Variants in DCC observed in about 807,000 individuals in gnomAD.
DCC encodes the protein netrin receptor DCC.
In DCC, 58 loss-of-function variants were observed where a neutral mutation model predicts 172.5. The ratio of observed to expected loss-of-function variants is 0.34; its 90% confidence interval spans 0.27 to 0.42. DCC has a LOEUF of 0.42. Ranked by LOEUF, DCC falls within the 10% of genes least tolerant of loss-of-function variation. DCC has a pLI of 1.00. For missense variants in DCC, 1,740 were observed against 1,791.0 expected (o/e 0.97, Z 0.51); for synonymous variants, 709 against 644.5 (o/e 1.10, Z -1.52).
At chr18:52,813,392 A>G (rs561036694) in intron 2 of DCC, among the ~76,000 whole-genome samples, 1 of 152,294 alleles carries the variant, frequency 6.6e-6, no homozygotes, top group African/African-American at 2.4e-5. Flanking sequence ...GGAACAGTAC[A>G]GAATGGCACA....
At chr18:53,064,273 T>A (rs961892580) in intron 6 of DCC, among the ~76,000 whole-genome samples, 1 of 152,180 alleles carries the variant, frequency 6.6e-6, no homozygotes, top group Non-Finnish European at 1.5e-5. Context: ...AAATGCTCTA[T>A]GAAATCTCAC....
intron 5 of DCC, among the ~76,000 whole-genome samples, chr18:53,034,424 A>C (rs1444993469): frequency 6.6e-6 from 1 of 152,030 alleles, no homozygotes; most frequent in African/African-American, 2.4e-5. Flanking sequence ...ATACAAAGTC[A>C]CTTTCAACAT....
intron 9 of DCC, among the ~76,000 whole-genome samples, chr18:53,181,924 G>A (rs1318515054): frequency 6.6e-6 from 1 of 152,158 alleles, no homozygotes; most frequent in African/African-American, 2.4e-5. Flanking sequence ...AATTTCTTAT[G>A]CCCAGATCAT....
chr18:52,605,431 CT>C (rs1287641088), intron 1 of DCC, among the ~76,000 whole-genome samples: 2 of 152,130 alleles, frequency 1.3e-5, no homozygotes, highest in East Asian at 3.9e-4. Flanking sequence ...TTCACAACTG[CT>C]TCTACAATCG....
chr18:53,487,089 C>A, intron 26 of DCC, 131 bp downstream of exon 26: 1 of 1,224,946 alleles, frequency 8.2e-7, no homozygotes, highest in East Asian at 2.5e-5. Context: ...TAGAATGTTC[C>A]TTTCCAACAC....
Position 53,450,527 on chromosome 18 carries a change from C to A in DCC, c.3257C>A (p.Pro1086Gln). 1 of 1,613,976 alleles carries A rather than the reference C, an allele frequency of 6.2e-7. No homozygotes were observed. Among genetic ancestry groups the A allele is most frequent in the Non-Finnish European group, 8.5e-7 (1 of 1,179,968 alleles). The change falls in exon 23 of 29, where the codon CCG becomes CAG. Residue 1086 changes from proline to glutamine, a missense_variant. Coordinates refer to ENST00000442544, the MANE Select transcript of DCC (RefSeq NM_005215.4). ...NEPPIGQMHPPHGSVTPQKNS... is the reference protein window; with the variant it reads ...NEPPIGQMHPQHGSVTPQKNS... Reference sequence around the variant, plus strand: ...CCGCCAATTGGACAAATGCACCCCCCGCATGGCAGTGTCACTCCTCAGAAG... The same window carrying A: ...CCGCCAATTGGACAAATGCACCCCCAGCATGGCAGTGTCACTCCTCAGAAG...
At chr18:53,343,353 C>G (rs1303580435) in intron 15 of DCC, among the ~76,000 whole-genome samples, 1 of 151,832 alleles carries the variant, frequency 6.6e-6, no homozygotes. Context: ...TTCTAGTTTT[C>G]TAGAAATTCT....
intron 2 of DCC, among the ~76,000 whole-genome samples, chr18:52,877,579 C>A (rs1047930277): frequency 4.0e-5 from 6 of 151,856 alleles, no homozygotes; most frequent in Non-Finnish European, 1.5e-5. Context: ...TGGTGGTGTG[C>A]ACCTTTAATC....
At chr18:53,084,890 C>A (rs1483403608) in intron 7 of DCC, among the ~76,000 whole-genome samples, 1 of 152,140 alleles carries the variant, frequency 6.6e-6, no homozygotes, top group Non-Finnish European at 1.5e-5. Flanking sequence ...TTGGAAAATT[C>A]TTACAGAAAT....
intron 14 of DCC, among the ~76,000 whole-genome samples, chr18:53,329,730 T>C (rs996589527): frequency 5.3e-5 from 8 of 152,128 alleles, no homozygotes. Context: ...GATTAAGGAT[T>C]TTCTGGGGTG....
chr18:53,344,524 C>G (rs766997517), intron 15 of DCC, among the ~76,000 whole-genome samples: 2 of 141,050 alleles, frequency 1.4e-5, no homozygotes, highest in South Asian at 5.0e-4. Context: ...CTCACTTCTA[C>G]CTCTGCCTCC....
At position 52,930,060 on chromosome 18, in the gene DCC, T is replaced by C. The variant is rs1182659757; in HGVS notation, c.985+4690T>C. Among the ~76,000 whole-genome samples the C allele has an allele frequency of 2.6e-5, 4 of 152,008 alleles. No homozygotes were observed. The East Asian group carries it at 7.7e-4, about 29-fold the overall frequency. ...GTTCGTGGTGTCAGATGATCCTCCA[T>C]TCTCAGCCTCCCAAGTATCTTGGAC... On this transcript the variant is annotated intron_variant, in intron 5 of 28. Transcript: ENST00000442544.
intron 18 of DCC, among the ~76,000 whole-genome samples, chr18:53,401,368 T>C (rs1439251425): frequency 1.3e-5 from 2 of 152,138 alleles, no homozygotes; most frequent in African/African-American, 4.8e-5. Flanking sequence ...TTAAGTACAT[T>C]GTCAATGATT....
chr18:52,375,004 CA>C (rs1444411431), intron 1 of DCC, among the ~76,000 whole-genome samples: 1 of 152,196 alleles, frequency 6.6e-6, no homozygotes, highest in Non-Finnish European at 1.5e-5. Context: ...ATGTCATTGC[CA>C]TCCCTCGATT....
chr18:52,809,044 A>T (rs746477763), intron 2 of DCC, among the ~76,000 whole-genome samples: 12 of 152,192 alleles, frequency 7.9e-5, no homozygotes, highest in Admixed American at 7.9e-4. Context: ...CATATGCCAA[A>T]CAGTCAGTAA....
intron 1 of DCC, among the ~76,000 whole-genome samples, chr18:52,539,764 G>A (rs577356119): frequency 6.6e-6 from 1 of 152,232 alleles, no homozygotes; most frequent in South Asian, 2.1e-4. Context: ...TAGACTTTGA[G>A]TATTCTCACC....
At chr18:52,614,445 A>G (rs575659115) in intron 1 of DCC, among the ~76,000 whole-genome samples, 1 of 152,238 alleles carries the variant, frequency 6.6e-6, no homozygotes, top group African/African-American at 2.4e-5. Flanking sequence ...TTTTAGTTGC[A>G]CCTAAAAATA....
chr18:53,127,747 AGTG>A (rs1473108253), intron 7 of DCC, among the ~76,000 whole-genome samples: 5 of 152,166 alleles, frequency 3.3e-5, no homozygotes, highest in Admixed American at 1.3e-4. Context: ...GCCTTTTAGA[AGTG>A]GTGCCAGAGT....
At chr18:53,019,670 T>A (rs990630304) in intron 5 of DCC, among the ~76,000 whole-genome samples, 5 of 152,170 alleles carry the variant, frequency 3.3e-5, no homozygotes, top group Admixed American at 6.5e-5. Flanking sequence ...TTTATCTGAT[T>A]TTTTAGACCG....
Sources: gnomAD v4.1 joint callset for allele counts (sites outside exome capture counted in the v4.1 genomes callset) on GRCh38, gnomAD v4.1.1 for gene constraint, MANE v1.5 for transcripts, NCBI Gene and HGNC (gene_info 2026-07-23, HGNC 2026-07-21) for gene names.